RAI14: variants seen among roughly 807,000 people sequenced by gnomAD.
The protein encoded by RAI14 is ankycorbin.
Under a neutral mutation model 115.4 loss-of-function variants are expected in RAI14, and 45 were observed. The ratio of observed to expected loss-of-function variants is 0.39; its 90% confidence interval spans 0.31 to 0.50. The LOEUF is 0.50. Ranked by LOEUF, RAI14 falls within the 20% of genes least tolerant of loss-of-function variation. The pLI is 0.85. For missense variants in RAI14, 939 were observed against 1,131.2 expected, an observed-to-expected ratio of 0.83 and a Z score of 2.44; for synonymous variants, 371 against 415.4, an observed-to-expected ratio of 0.89 and a Z score of 1.30.
chr5:34,755,373 A>C (rs9283740), intron 2 of RAI14, among the ~76,000 whole-genome samples: 31,633 of 152,156 alleles, frequency 0.21, 3,565 homozygotes, highest in African/African-American at 0.26. Flanking sequence ...TAAACCTATG[A>C]GGAGAGTCAT....
At chr5:34,783,348 G>C (rs183114048) in intron 3 of RAI14, among the ~76,000 whole-genome samples, 1 of 152,274 alleles carries the variant, frequency 6.6e-6, no homozygotes, top group East Asian at 1.9e-4. Flanking sequence ...GGCTGCAACC[G>C]GGGGGTCCTC....
intron 2 of RAI14, among the ~76,000 whole-genome samples, chr5:34,701,030 G>A (rs970907924): frequency 1.3e-5 from 2 of 152,094 alleles, no homozygotes; most frequent in South Asian, 2.1e-4. Flanking sequence ...ACAGTCCTTC[G>A]GTCCTGGTTT....
chr5:34,759,000 G>A (rs957149856), intron 3 of RAI14, among the ~76,000 whole-genome samples: 10 of 152,210 alleles, frequency 6.6e-5, no homozygotes, highest in African/African-American at 2.4e-4. Flanking sequence ...AGTGGCTCCC[G>A]CCTGTAATCC....
Position 34,776,238 on chromosome 5 carries a change from A to G in RAI14, c.167+18640A>G, listed in dbSNP as rs147486494. Among the ~76,000 whole-genome samples, 24 of 152,350 alleles carry G rather than the reference A, an allele frequency of 1.6e-4. No individual in the cohort carries two copies. In the East Asian group the frequency reaches 4.6e-3, roughly 29 times the overall value. On this transcript the variant is annotated intron_variant, in intron 3 of 17. Transcript: ENST00000265109. Reference sequence around the variant, plus strand: ...AAATTAAACTCATGGAGATAAGAGCAGAATGATGGTTACCACAGGATGGGA... The same window carrying G: ...AAATTAAACTCATGGAGATAAGAGCGGAATGATGGTTACCACAGGATGGGA...
chr5:34,719,864 G>C (rs536293202), intron 2 of RAI14, among the ~76,000 whole-genome samples: 6 of 152,008 alleles, frequency 3.9e-5, no homozygotes, highest in Non-Finnish European at 8.8e-5. Flanking sequence ...ATTTTTTGTG[G>C]TAACTCTTTA....
Position 34,762,804 on chromosome 5 carries a change from G to A in RAI14, c.167+5206G>A, listed in dbSNP as rs548491848. 2.0e-5 allele frequency among the ~76,000 whole-genome samples: 3 copies of A among 152,240 alleles called. No individual in the cohort carries two copies. In the South Asian group the frequency reaches 6.2e-4, roughly 32 times the overall value. On this transcript the variant is annotated intron_variant, in intron 3 of 17. Coordinates refer to ENST00000265109, the MANE Select transcript of RAI14 (RefSeq NM_015577.3). ...AGATGGGTTCCCTACATTTGGATGT[G>A]CATTTAATTAAAGTTATGTGTGTTT...
At chr5:34,695,416 C>T (rs1043401413) in intron 2 of RAI14, among the ~76,000 whole-genome samples, 21 of 152,204 alleles carry the variant, frequency 1.4e-4, no homozygotes, top group African/African-American at 5.1e-4. Flanking sequence ...AACCCAGGAA[C>T]CCCAGCCTTT....
chr5:34,801,390 C>A (rs1240742432), intron 4 of RAI14, among the ~76,000 whole-genome samples: 1 of 152,176 alleles, frequency 6.6e-6, no homozygotes, highest in African/African-American at 2.4e-5. Context: ...TGTTTCCTAG[C>A]TATATGATTC....
chr5:34,688,260 G>C lies in RAI14; in HGVS notation c.36+1305G>C, dbSNP rs184608016. ...CTAAGGAGAAAAAGGCAATTAAATGGAAAATGTTGCCCAATTCAGCAGATA... is the reference window on the plus strand; with the variant it reads ...CTAAGGAGAAAAAGGCAATTAAATGCAAAATGTTGCCCAATTCAGCAGATA... On this transcript the variant is annotated intron_variant, in intron 2 of 17. Coordinates refer to ENST00000265109, the MANE Select transcript of RAI14 (RefSeq NM_015577.3). 1.2e-4 allele frequency: 185 copies of C among 1,546,276 alleles called. 1 individual carries two copies. In the African/African-American group the frequency reaches 2.4e-3, roughly 20 times the overall value.
At chr5:34,798,429 C>T (rs1753808303) in intron 4 of RAI14, among the ~76,000 whole-genome samples, 1 of 151,458 alleles carries the variant, frequency 6.6e-6, no homozygotes, top group Non-Finnish European at 1.5e-5. Context: ...ACTCAAGTTC[C>T]TACTCCTATC....
At chr5:34,752,749 G>GTGTATATATA (rs371462831) in intron 2 of RAI14, among the ~76,000 whole-genome samples, 2 of 107,054 alleles carry the variant, frequency 1.9e-5, no homozygotes, top group African/African-American at 7.6e-5. Flanking sequence ...GTGTGTGTGT[G>GTGTATATATA]TATATATATA....
intron 2 of RAI14, among the ~76,000 whole-genome samples, chr5:34,735,551 T>C (rs1284902017): frequency 6.6e-6 from 1 of 152,246 alleles, no homozygotes; most frequent in Non-Finnish European, 1.5e-5. Flanking sequence ...TACAAATGCA[T>C]GTGGTAATTT....
At position 34,814,604 on chromosome 5, in the gene RAI14, A is replaced by G. The variant is rs1401676435; in HGVS notation, c.874A>G (p.Arg292Gly). 43 of 1,613,334 alleles carry G rather than the reference A, an allele frequency of 2.7e-5. No individual in the cohort carries two copies. The highest frequency in any genetic ancestry group is 3.6e-5 in the Non-Finnish European group (43 of 1,179,464). Residue 292 changes from arginine to glycine, a missense_variant, in exon 12 of 18, where the codon AGA becomes GGA. By Grantham distance (125) the Arg-to-Gly change is moderately radical (BLOSUM62 -2). Coordinates refer to ENST00000265109, the MANE Select transcript of RAI14 (RefSeq NM_015577.3). ...TTAGTTGAGTGATGTCTCTTCCCCAAGATCAATAACTTCGACTCCACTATC... is the reference window on the plus strand; with the variant it reads ...TTAGTTGAGTGATGTCTCTTCCCCAGGATCAATAACTTCGACTCCACTATC... The part of the protein sequence containing the change: ...PTQLSDVSSP[R>G]SITSTPLSGK...
chr5:34,783,966 G>A (rs1218675740), intron 3 of RAI14, among the ~76,000 whole-genome samples: 2 of 152,194 alleles, frequency 1.3e-5, no homozygotes, highest in Admixed American at 6.5e-5. Context: ...ACACATACAT[G>A]TACATAAGCT....
intron 8 of RAI14, among the ~76,000 whole-genome samples, 171 bp from the exon 9 acceptor site, chr5:34,811,596 A>C (rs74355607): frequency 2.6e-5 from 4 of 151,196 alleles, no homozygotes; most frequent in Non-Finnish European, 5.9e-5. Flanking sequence ...AAAAAAAAAA[A>C]CCACCTAATT....
intron 2 of RAI14, chr5:34,687,777 A>G: frequency 6.6e-7 from 1 of 1,526,318 alleles, no homozygotes. Flanking sequence ...GAGGTAATTA[A>G]AGATGAACCT....
At position 34,725,943 on chromosome 5, in the gene RAI14, C is replaced by T. The variant is rs543042111; in HGVS notation, c.37-31525C>T. Among the ~76,000 whole-genome samples, 94 of 124,914 alleles carry T rather than the reference C, an allele frequency of 7.5e-4. 1 individual carries two copies. The highest frequency in any genetic ancestry group is 2.9e-3 in the African/African-American group (89 of 31,066). 81.9% of individuals were successfully genotyped at this position (124,914 alleles called of 152,430 possible). A position where few individuals can be genotyped will look rare whatever the true frequency, so the allele number is the denominator to read the frequency against. ...TGCCATTGCACTCTAGCCTGGGCAA[C>T]AGGAGCGAAACTGCTTCTCAAAAAA... is the stretch of plus-strand genomic sequence containing the variant. On this transcript the variant is annotated intron_variant, in intron 2 of 17. Coordinates refer to ENST00000265109, the MANE Select transcript of RAI14 (RefSeq NM_015577.3).
At chr5:34,697,436 C>CAAAAA (rs1214679104) in intron 2 of RAI14, among the ~76,000 whole-genome samples, 2 of 64,348 alleles carry the variant, frequency 3.1e-5, no homozygotes, top group African/African-American at 5.7e-5. Context: ...AACTCTGTCT[C>CAAAAA]AAAAAAAAAA....
chr5:34,824,392 T>G lies in RAI14; in HGVS notation c.2550T>G (p.Asn850Lys), dbSNP rs775246575. The G allele has an allele frequency of 1.2e-6, 2 of 1,610,176 alleles. No individual in the cohort carries two copies. Among genetic ancestry groups the G allele is most frequent in the Non-Finnish European group, 1.7e-6 (2 of 1,176,956 alleles). The change falls in exon 15 of 18, where the codon AAT (asparagine) becomes AAG (lysine). Residue 850 changes from asparagine (N) to lysine (K), a missense_variant. Asn to Lys is a moderately conservative substitution (Grantham distance 94). Transcript: ENST00000265109. Reference sequence around the variant, plus strand: ...TGAAATCCAAAGAGCAAGAAGTAAATGAACTTCTGCAAAAATTCCAGCAAG... The same window carrying G: ...TGAAATCCAAAGAGCAAGAAGTAAAGGAACTTCTGCAAAAATTCCAGCAAG... ...TLLKSKEQEV[N>K]ELLQKFQQAQ... is the part of the protein sequence containing the mutation.
Sources: gnomAD v4.1 joint callset for allele counts (sites outside exome capture counted in the v4.1 genomes callset) on GRCh38, gnomAD v4.1.1 for gene constraint, MANE v1.5 for transcripts, NCBI Gene and HGNC (gene_info 2026-07-23, HGNC 2026-07-21) for gene names.